Variants in GPC3 observed in about 807,000 individuals in gnomAD.
GPC3 encodes glypican 3, also known as glypican-3.
A neutral mutation model predicts 34.4 loss-of-function variants in GPC3; 3 were observed. The ratio of observed to expected loss-of-function variants is 0.09; its 90% CI spans 0.04 to 0.23. GPC3 has a LOEUF of 0.23. GPC3 is among the 10% of genes least tolerant of loss of function. The pLI, the probability that GPC3 is intolerant of heterozygous loss-of-function variation, is 1.00. For synonymous variants in GPC3, 177 were observed against 174.0 expected (o/e 1.02, Z -0.13); for missense variants, 351 against 445.6 (o/e 0.79, Z 1.91).
intron 7 of GPC3, among the ~76,000 whole-genome samples, chrX:133,587,821 T>C (rs977919816): frequency 3.6e-5 from 4 of 111,770 alleles, no homozygotes; most frequent in Admixed American, 9.6e-5. Flanking sequence ...GGTCAGGAAA[T>C]ATTTTATCAC....
At chrX:133,828,618 G>A (rs946923424) in intron 2 of GPC3, among the ~76,000 whole-genome samples, 1 of 111,357 alleles carries the variant, frequency 9.0e-6, no homozygotes, top group African/African-American at 3.3e-5. Flanking sequence ...TCACTTACAT[G>A]TGGAATCTGA....
chrX:133,774,015 A>T (rs1005079404), intron 2 of GPC3, among the ~76,000 whole-genome samples: 2 of 112,312 alleles, frequency 1.8e-5, no homozygotes, highest in African/African-American at 6.5e-5. Context: ...TTACTAAGGC[A>T]CTGTATAAAC....
chrX:133,679,446 A>G (rs1429623805), intron 5 of GPC3, among the ~76,000 whole-genome samples: 2 of 111,024 alleles, frequency 1.8e-5, no homozygotes, highest in Non-Finnish European at 3.8e-5. Flanking sequence ...AAAGGAGAAA[A>G]CAAAATAGAG....
intron 7 of GPC3, among the ~76,000 whole-genome samples, chrX:133,569,400 CA>C (rs2069607017): frequency 9.0e-6 from 1 of 111,294 alleles, no homozygotes; most frequent in African/African-American, 3.3e-5. Flanking sequence ...ACACTGAGGG[CA>C]GGGGGTGGGT....
At chrX:133,768,936 T>G (rs766568778) in intron 2 of GPC3, among the ~76,000 whole-genome samples, 1 of 107,074 alleles carries the variant, frequency 9.3e-6, no homozygotes, top group African/African-American at 3.4e-5. Context: ...CAAGACACTG[T>G]CTCAAAAAAA....
intron 2 of GPC3, among the ~76,000 whole-genome samples, chrX:133,930,781 G>A (rs1013089396): frequency 6.3e-5 from 7 of 111,364 alleles, no homozygotes; most frequent in Admixed American, 1.9e-4. Flanking sequence ...GACTACAGGC[G>A]CGTGTCACCA....
At chrX:133,789,614 C>T (rs2072140255) in intron 2 of GPC3, among the ~76,000 whole-genome samples, 1 of 112,219 alleles carries the variant, frequency 8.9e-6, no homozygotes, top group Admixed American at 9.4e-5. Flanking sequence ...TTTTCTGATT[C>T]TGAGTCTGCA....
At chrX:133,606,664 T>C (rs763948515) in intron 6 of GPC3, among the ~76,000 whole-genome samples, 9 of 111,308 alleles carry the variant, frequency 8.1e-5, no homozygotes, top group Non-Finnish European at 1.7e-4. Context: ...GCTCAAGTGA[T>C]CCTCTCACCT....
chrX:133,568,655 A>G (rs2069601253), intron 7 of GPC3, among the ~76,000 whole-genome samples: 1 of 111,412 alleles, frequency 9.0e-6, no homozygotes, highest in Non-Finnish European at 1.9e-5. Flanking sequence ...GGAGTGTTTT[A>G]GGATCAGAAA....
Position 133,692,249 on chromosome X carries a change from A to T in GPC3, c.1292+120T>A, listed in dbSNP as rs1406994122. The T allele has an allele frequency of 1.4e-5, 11 of 799,400 alleles. No homozygotes were observed. In the East Asian group the frequency reaches 3.4e-4, roughly 25 times the overall value. The allele number at this position is 799,400 out of a possible 1,213,427, so 65.9% of individuals were successfully genotyped here. ...CATGAGCCACCGCATCCAGCCTCAT[A>T]GATTTCTCTAGAATTTTTCTGGTGC... On this transcript the variant is annotated intron_variant, in intron 5 of 7. Coordinates refer to ENST00000370818, the MANE Select transcript of GPC3 (RefSeq NM_004484.4).
intron 3 of GPC3, among the ~76,000 whole-genome samples, chrX:133,700,490 AT>A (rs1217216717): frequency 9.0e-6 from 1 of 111,322 alleles, no homozygotes; most frequent in Non-Finnish European, 1.9e-5. Flanking sequence ...TTCTATGAGT[AT>A]TTTTTTATAA....
intron 2 of GPC3, among the ~76,000 whole-genome samples, chrX:133,855,530 G>GAT (rs756213198): frequency 0.028 from 2,526 of 91,057 alleles, 70 homozygotes; most frequent in African/African-American, 0.061. Flanking sequence ...GCTGTTACAA[G>GAT]ATATATATAT....
chrX:133,713,388 C>T (rs777635152), intron 3 of GPC3, among the ~76,000 whole-genome samples: 17 of 111,892 alleles, frequency 1.5e-4, no homozygotes, highest in South Asian at 7.4e-4. Flanking sequence ...GCCAAGCACA[C>T]ACATTTTAAA....
chrX:133,810,617 G>C (rs1027742902), intron 2 of GPC3, among the ~76,000 whole-genome samples: 1 of 111,351 alleles, frequency 9.0e-6, no homozygotes, highest in Non-Finnish European at 1.9e-5. Context: ...GTTGAAAGAG[G>C]CCTGGCGCCT....
At chrX:133,878,605 TCTG>T (rs2076027727) in intron 2 of GPC3, among the ~76,000 whole-genome samples, 1 of 112,123 alleles carries the variant, frequency 8.9e-6, no homozygotes, top group Non-Finnish European at 1.9e-5. Context: ...AAAACGTGCT[TCTG>T]CTGTTTTTGT....
intron 1 of GPC3, among the ~76,000 whole-genome samples, chrX:133,974,411 T>A (rs1177660519): frequency 8.9e-6 from 1 of 112,507 alleles, no homozygotes; most frequent in Non-Finnish European, 1.9e-5. Context: ...AGAAGTCTGA[T>A]TCTTTGATTC....
rs993578717 is a variant in GPC3, at chrX:133,564,795, G to A, written c.1574-28502C>T. On this transcript the variant is annotated intron_variant, in intron 7 of 7. Coordinates refer to ENST00000370818, the MANE Select transcript of GPC3 (RefSeq NM_004484.4). Reference sequence around the variant, plus strand: ...GGATGGAAAATTCCTGACCTCCATCGGCCCTCATGATATAAAATGACTTCC... The same window carrying A: ...GGATGGAAAATTCCTGACCTCCATCAGCCCTCATGATATAAAATGACTTCC... 9.8e-5 allele frequency among the ~76,000 whole-genome samples: 11 copies of A among 111,741 alleles called. No homozygotes were observed. The East Asian group carries it at 2.5e-3, about 26-fold the overall frequency.
chrX:133,753,052 T>C (rs999278254), intron 3 of GPC3, among the ~76,000 whole-genome samples: 1 of 111,607 alleles, frequency 9.0e-6, no homozygotes, highest in Non-Finnish European at 1.9e-5. Context: ...AGATAATAGC[T>C]CCCACTTCAC....
intron 2 of GPC3, among the ~76,000 whole-genome samples, chrX:133,914,081 T>C (rs2076212845): frequency 9.0e-6 from 1 of 111,058 alleles, no homozygotes; most frequent in Admixed American, 9.6e-5. Flanking sequence ...CAAAGCTGAT[T>C]AAGGCTTGTT....
Sources: gnomAD v4.1 joint callset for allele counts (sites outside exome capture counted in the v4.1 genomes callset) on GRCh38, gnomAD v4.1.1 for gene constraint, MANE v1.5 for transcripts, NCBI Gene and HGNC (gene_info 2026-07-23, HGNC 2026-07-21) for gene names.